The following SPOCK1 variants were observed in gnomAD, a reference collection of about 807,000 sequenced individuals.
SPOCK1 encodes the protein testican-1.
Under a neutral mutation model 55.3 loss-of-function variants are expected in SPOCK1, and 23 were observed. That is an observed-to-expected ratio of 0.42 (90% CI 0.30 to 0.59). The LOEUF is 0.59. Ranked by LOEUF, SPOCK1 falls within the 20% of genes least tolerant of loss-of-function variation. SPOCK1 has a pLI of 0.22. For missense variants in SPOCK1, 499 were observed against 552.5 expected, an observed-to-expected ratio of 0.90 and a Z score of 0.97; for synonymous variants, 226 against 221.0, an observed-to-expected ratio of 1.02 and a Z score of -0.20.
chr5:137,413,278 G>A lies in SPOCK1; in HGVS notation c.186+85095C>T, dbSNP rs1030233809. Among the ~76,000 whole-genome samples, 10 of 151,976 alleles carry A rather than the reference G, an allele frequency of 6.6e-5. No homozygotes were observed. The Middle Eastern group carries it at 0.02, about 310-fold the overall frequency. On this transcript the variant is annotated intron_variant, in intron 2 of 10. Transcript: ENST00000394945. ...TACTGCATTTAAATATAAACTCATG[G>A]AATAAAATATAGAAATACACAAACA...
intron 2 of SPOCK1, among the ~76,000 whole-genome samples, chr5:137,337,044 T>C (rs1750296289): frequency 6.6e-6 from 1 of 152,168 alleles, no homozygotes; most frequent in Non-Finnish European, 1.5e-5. Flanking sequence ...CCCAAGCACC[T>C]AGAACAGTGC....
At chr5:137,096,300 A>C (rs1484627995) in intron 5 of SPOCK1, among the ~76,000 whole-genome samples, 1 of 137,534 alleles carries the variant, frequency 7.3e-6, no homozygotes, top group Non-Finnish European at 1.7e-5. Context: ...CAAGACAAAA[A>C]AGAAAAAAAA....
chr5:137,397,088 T>C (rs759162816), intron 2 of SPOCK1, among the ~76,000 whole-genome samples: 1 of 152,188 alleles, frequency 6.6e-6, no homozygotes, highest in Non-Finnish European at 1.5e-5. Flanking sequence ...GAACTGAGAC[T>C]TCCAGATTCT....
intron 8 of SPOCK1, among the ~76,000 whole-genome samples, chr5:136,985,659 CCCCAGGAAAG>C (rs1342668399): frequency 6.6e-6 from 1 of 152,030 alleles, no homozygotes; most frequent in Non-Finnish European, 1.5e-5. Flanking sequence ...ACCTCACCAC[CCCCAGGAAAG>C]TAAAATAGGC....
chr5:136,979,299 C>T (rs375771190), intron 10 of SPOCK1, 33 bp downstream of exon 10: 8 of 1,612,942 alleles, frequency 5.0e-6, no homozygotes, highest in Non-Finnish European at 5.9e-6. Flanking sequence ...CCACCCAGGT[C>T]ATTGTGGGGC....
chr5:137,153,157 C>T (rs923987771), intron 3 of SPOCK1, among the ~76,000 whole-genome samples: 1 of 152,202 alleles, frequency 6.6e-6, no homozygotes, highest in African/African-American at 2.4e-5. Context: ...GGCCAGGGGC[C>T]AAGTTTTGCT....
At chr5:137,365,915 C>A (rs1296161577) in intron 2 of SPOCK1, among the ~76,000 whole-genome samples, 1 of 152,140 alleles carries the variant, frequency 6.6e-6, no homozygotes, top group Non-Finnish European at 1.5e-5. Context: ...TTCTGTAGTA[C>A]CGCTTACACA....
Position 137,160,601 on chromosome 5 carries a change from A to T in SPOCK1, c.233-19907T>A, listed in dbSNP as rs1029256228. Among the ~76,000 whole-genome samples, 21 of 73,900 alleles carry T rather than the reference A, an allele frequency of 2.8e-4. 1 individual carries two copies. The South Asian group carries it at 3.5e-3, about 12-fold the overall frequency. 48.5% of individuals were successfully genotyped at this position (73,900 alleles called of 152,430 possible). ...TAATATATATAATATATAATATATT[A>T]TATATAATATATAATATATATTTTA... On this transcript the variant is annotated intron_variant, in intron 3 of 10. Transcript: ENST00000394945.
chr5:137,195,165 C>T (rs1470662264), intron 3 of SPOCK1, among the ~76,000 whole-genome samples: 2 of 152,190 alleles, frequency 1.3e-5, no homozygotes, highest in African/African-American at 4.8e-5. Flanking sequence ...TAAATAAGCT[C>T]GTTTGGCCTG....
intron 3 of SPOCK1, among the ~76,000 whole-genome samples, chr5:137,173,203 G>A (rs1580789871): frequency 6.6e-6 from 1 of 151,982 alleles, no homozygotes; most frequent in Non-Finnish European, 1.5e-5. Flanking sequence ...CTCTTTCTTG[G>A]ACCTCCAAGT....
chr5:137,476,466 G>A (rs1003001267), intron 2 of SPOCK1, among the ~76,000 whole-genome samples: 3 of 152,204 alleles, frequency 2.0e-5, no homozygotes, highest in African/African-American at 4.8e-5. Context: ...TATCTAGAAG[G>A]TGGAAGGAAT....
chr5:137,332,043 G>A (rs943392528), intron 2 of SPOCK1, among the ~76,000 whole-genome samples: 2 of 152,168 alleles, frequency 1.3e-5, no homozygotes, highest in African/African-American at 4.8e-5. Context: ...GCCAGTGATA[G>A]AAACTCCTCA....
intron 3 of SPOCK1, among the ~76,000 whole-genome samples, chr5:137,241,788 C>A (rs80178030): frequency 0.033 from 5,009 of 152,236 alleles, 104 homozygotes; most frequent in Non-Finnish European, 0.048. Flanking sequence ...ATATATTACC[C>A]AGTCTGTTGT....
At chr5:137,158,382 T>C (rs577603564) in intron 3 of SPOCK1, among the ~76,000 whole-genome samples, 24 of 152,292 alleles carry the variant, frequency 1.6e-4, no homozygotes, top group African/African-American at 5.5e-4. Flanking sequence ...CCTGTGACAA[T>C]TGAGTCACGT....
At chr5:137,463,303 T>C (rs563286172) in intron 2 of SPOCK1, among the ~76,000 whole-genome samples, 16 of 152,310 alleles carry the variant, frequency 1.1e-4, no homozygotes, top group Admixed American at 5.9e-4. Context: ...GTGGTACATA[T>C]ACACAATGGA....
At chr5:137,404,406 A>G (rs987045382) in intron 2 of SPOCK1, among the ~76,000 whole-genome samples, 1 of 110,108 alleles carries the variant, frequency 9.1e-6, no homozygotes, top group African/African-American at 3.6e-5. Flanking sequence ...CTAATTCAAA[A>G]TGACTTTTTT....
chr5:137,223,682 T>C (rs1755898352), intron 3 of SPOCK1, among the ~76,000 whole-genome samples: 1 of 152,176 alleles, frequency 6.6e-6, no homozygotes, highest in African/African-American at 2.4e-5. Context: ...AGCAAAAACA[T>C]GTTCTAAATG....
intron 2 of SPOCK1, among the ~76,000 whole-genome samples, chr5:137,371,585 A>G (rs1751203669): frequency 6.6e-6 from 1 of 152,204 alleles, no homozygotes; most frequent in South Asian, 2.1e-4. Flanking sequence ...AATACAAATG[A>G]GGAGCCAAGG....
chr5:137,028,154 C>T (rs1031164081), intron 6 of SPOCK1, among the ~76,000 whole-genome samples: 1 of 152,192 alleles, frequency 6.6e-6, no homozygotes, highest in Non-Finnish European at 1.5e-5. Flanking sequence ...TGGTGAATCT[C>T]CTCTGTGGGA....
Sources: allele counts gnomAD v4.1 joint callset (sites outside exome capture counted in the v4.1 genomes callset), GRCh38; gene constraint gnomAD v4.1.1; transcripts MANE v1.5; gene names NCBI Gene and HGNC (gene_info 2026-07-23, HGNC 2026-07-21).